The following GRIN2B variants were observed in gnomAD, a reference collection of about 807,000 sequenced individuals.
GRIN2B encodes the protein glutamate receptor ionotropic, NMDA 2B.
A neutral mutation model predicts 114.5 loss-of-function variants in GRIN2B; 5 were observed. That is an observed-to-expected ratio of 0.04 (90% CI 0.02 to 0.09). The LOEUF (loss-of-function observed/expected upper bound fraction) is 0.09, where lower values mean the gene tolerates loss of function less well. GRIN2B is among the 10% of genes least tolerant of loss of function. GRIN2B has a pLI of 1.00. For missense variants in GRIN2B, 1,108 were observed against 1,943.5 expected (o/e 0.57, Z 8.08); for synonymous variants, 787 against 745.1 (o/e 1.06, Z -0.92).
intron 3 of GRIN2B, among the ~76,000 whole-genome samples, chr12:13,802,856 T>C (rs773592014): frequency 1.3e-5 from 2 of 152,278 alleles, no homozygotes; most frequent in Non-Finnish European, 2.9e-5. Context: ...TGTTCATGCA[T>C]TGCTTTTGTA....
chr12:13,933,085 G>T (rs142847178), intron 2 of GRIN2B, among the ~76,000 whole-genome samples: 3 of 151,944 alleles, frequency 2.0e-5, no homozygotes, highest in Non-Finnish European at 2.9e-5. Context: ...GACCCCTGAG[G>T]CATGTTTCCT....
chr12:13,855,704 C>T (rs548968919), intron 3 of GRIN2B, among the ~76,000 whole-genome samples: 121 of 152,230 alleles, frequency 7.9e-4, no homozygotes, highest in Non-Finnish European at 1.2e-3. Flanking sequence ...GAATTTAGGG[C>T]CCACCCAAAT....
intron 2 of GRIN2B, among the ~76,000 whole-genome samples, chr12:13,906,217 G>T (rs1311947213): frequency 6.6e-6 from 1 of 152,172 alleles, no homozygotes; most frequent in East Asian, 1.9e-4. Flanking sequence ...GAAATGAATG[G>T]TCTTTTTTAT....
chr12:13,647,402 C>T (rs2136513160), intron 5 of GRIN2B, among the ~76,000 whole-genome samples: 1 of 152,128 alleles, frequency 6.6e-6, no homozygotes, highest in East Asian at 1.9e-4. Flanking sequence ...TCCTGAAGCC[C>T]AAAGGTTAAA....
chr12:13,838,773 A>T (rs774607560), intron 3 of GRIN2B, among the ~76,000 whole-genome samples: 2 of 152,222 alleles, frequency 1.3e-5, no homozygotes, highest in Non-Finnish European at 2.9e-5. Flanking sequence ...GAGAAGCCAG[A>T]TGTCTTGCCC....
rs1451919098 is a variant in GRIN2B, at chr12:13,540,620, AAGAG to A, written c.*22159_*22162del. ...TTTTCAAGTTCAAACACCAAAATCC[AAGAG>A]AGAAAGGAAAAAATAAAAAGACCCA... On this transcript the variant is annotated 3_prime_UTR_variant, in exon 14 of 14. Transcript: ENST00000609686. 6.6e-6 allele frequency: 1 copy of A among 152,022 alleles called. No individual in the cohort carries two copies. Among genetic ancestry groups the A allele is most frequent in the African/African-American group, 2.4e-5 (1 of 41,382 alleles). 9.4% of individuals were successfully genotyped at this position (152,022 alleles called of 1,614,324 possible).
intron 3 of GRIN2B, among the ~76,000 whole-genome samples, chr12:13,826,359 T>C (rs1341363624): frequency 2.0e-5 from 3 of 152,116 alleles, no homozygotes; most frequent in Admixed American, 1.3e-4. Flanking sequence ...TAATCTCAGC[T>C]ACTCTGGAGG....
intron 4 of GRIN2B, among the ~76,000 whole-genome samples, chr12:13,700,351 A>C (rs886271960): frequency 6.6e-6 from 1 of 152,190 alleles, no homozygotes; most frequent in Non-Finnish European, 1.5e-5. Flanking sequence ...GTGATTGACA[A>C]ATCTTTTTAA....
At chr12:13,606,176 T>A (rs569431726) in intron 10 of GRIN2B, among the ~76,000 whole-genome samples, 2 of 152,258 alleles carry the variant, frequency 1.3e-5, no homozygotes, top group Admixed American at 1.3e-4. Flanking sequence ...TTAGTGCATT[T>A]TATGTTGCTA....
At chr12:13,567,344 G>A (rs1439691793) in intron 12 of GRIN2B, 81 bp from the exon 13 acceptor site, 4 of 873,394 alleles carry the variant, frequency 4.6e-6, no homozygotes, top group Non-Finnish European at 7.5e-6. Flanking sequence ...GAGGAGTATT[G>A]AGCAAGAAAG....
At chr12:13,831,459 T>G (rs754067967) in intron 3 of GRIN2B, among the ~76,000 whole-genome samples, 2 of 152,124 alleles carry the variant, frequency 1.3e-5, no homozygotes, top group Non-Finnish European at 2.9e-5. Context: ...AGATGCCAGC[T>G]CAGGCCCAAC....
chr12:13,939,505 A>T (rs1591632246), intron 2 of GRIN2B, among the ~76,000 whole-genome samples: 1 of 144,156 alleles, frequency 6.9e-6, no homozygotes, highest in African/African-American at 2.6e-5. Context: ...TGAAGGTTTC[A>T]TGAGGCTCTC....
chr12:13,618,747 T>G (rs557011289), intron 5 of GRIN2B, among the ~76,000 whole-genome samples: 1 of 152,230 alleles, frequency 6.6e-6, no homozygotes, highest in Non-Finnish European at 1.5e-5. Flanking sequence ...TTTTACATCA[T>G]GAATCCTTAG....
chr12:13,815,434 T>A (rs1864803164), intron 3 of GRIN2B, among the ~76,000 whole-genome samples: 2 of 149,988 alleles, frequency 1.3e-5, no homozygotes, highest in Admixed American at 6.6e-5. Flanking sequence ...AATCACAGAG[T>A]ATTGAGAAAT....
At chr12:13,977,725 C>T (rs909183900) in intron 2 of GRIN2B, among the ~76,000 whole-genome samples, 7 of 152,184 alleles carry the variant, frequency 4.6e-5, no homozygotes, top group African/African-American at 7.2e-5. Context: ...CACTGAGTCA[C>T]AGCCTCACAG....
At chr12:13,860,760 A>T (rs999040921) in intron 3 of GRIN2B, among the ~76,000 whole-genome samples, 1 of 152,198 alleles carries the variant, frequency 6.6e-6, no homozygotes, top group Non-Finnish European at 1.5e-5. Context: ...CCTGATCAAC[A>T]TGTCTATTTC....
intron 4 of GRIN2B, among the ~76,000 whole-genome samples, chr12:13,739,279 G>A (rs371320843): frequency 6.7e-6 from 1 of 149,582 alleles, no homozygotes; most frequent in Non-Finnish European, 1.5e-5. Context: ...GGAGGCTGAG[G>A]CAGGAGAATC....
At chr12:13,811,958 G>C (rs993321576) in intron 3 of GRIN2B, among the ~76,000 whole-genome samples, 1 of 152,182 alleles carries the variant, frequency 6.6e-6, no homozygotes, top group Non-Finnish European at 1.5e-5. Context: ...ACTGCATGCA[G>C]CATTTCGTAA....
intron 3 of GRIN2B, among the ~76,000 whole-genome samples, chr12:13,822,224 T>G (rs911249104): frequency 2.6e-5 from 4 of 152,112 alleles, no homozygotes; most frequent in Admixed American, 2.0e-4. Flanking sequence ...TTTAATATAT[T>G]TGGTTAAAAA....
Sources: allele counts gnomAD v4.1 joint callset (sites outside exome capture counted in the v4.1 genomes callset), GRCh38; gene constraint gnomAD v4.1.1; transcripts MANE v1.5; gene names NCBI Gene and HGNC (gene_info 2026-07-23, HGNC 2026-07-21).